TMEM63C: variants seen among roughly 807,000 people sequenced by gnomAD.
TMEM63C encodes the protein transmembrane protein 63C, also known as osmosensitive cation channel TMEM63C.
Under a neutral mutation model 99.2 loss-of-function variants are expected in TMEM63C, and 32 were observed. The observed-to-expected ratio is 0.32, with a 90% CI of 0.24 to 0.43. The LOEUF is 0.43. Among genes scored for constraint, TMEM63C ranks in the 20% least tolerant of loss-of-function variants. The pLI is 1.00. For synonymous variants in TMEM63C, 376 were observed against 397.9 expected, an observed-to-expected ratio of 0.94 and a Z score of 0.66; for missense variants, 826 against 1,053.0, an observed-to-expected ratio of 0.78 and a Z score of 2.98.
At chr14:77,237,022 C>T (rs752159374) in intron 9 of TMEM63C, among the ~76,000 whole-genome samples, 17 of 107,284 alleles carry the variant, frequency 1.6e-4, no homozygotes, top group African/African-American at 2.1e-4. Context: ...CACCCTCTCA[C>T]GCTCCTCCAC....
intron 1 of TMEM63C, among the ~76,000 whole-genome samples, chr14:77,196,801 A>G (rs55945908): frequency 0.02 from 2,975 of 152,332 alleles, 98 homozygotes; most frequent in African/African-American, 0.069. Context: ...TGAACATCTC[A>G]GAGGAATCAG....
intron 21 of TMEM63C, chr14:77,251,579 A>ATT: frequency 3.5e-6 from 2 of 576,710 alleles, no homozygotes; most frequent in Non-Finnish European, 3.1e-6. Flanking sequence ...CAATTAAAAC[A>ATT]TTTTTTCATG....
chr14:77,236,881 A>G, intron 9 of TMEM63C, 149 bp downstream of exon 9: 2 of 632,350 alleles, frequency 3.2e-6, no homozygotes, highest in South Asian at 1.8e-5. Flanking sequence ...GCAGGGGCCA[A>G]GCTTCCTCCC....
chr14:77,248,190 G>T (rs1889295743), intron 18 of TMEM63C, among the ~76,000 whole-genome samples, 157 bp from the exon 19 acceptor site: 2 of 152,150 alleles, frequency 1.3e-5, no homozygotes, highest in African/African-American at 2.4e-5. Context: ...GAGAGACAGA[G>T]AAAAAGAAAG....
In TMEM63C at chr14:77,244,495, C is replaced by T. The variant is rs200791610; in HGVS notation, c.1448+40C>T. On this transcript the variant is annotated intron_variant, in intron 16 of 23. Transcript: ENST00000298351. ...TCCTCTCGTAGCCCTGTGGTTTCTC[C>T]AGCCTCTTCCCCTGCCCTGGCTTCC... 2.1e-5 allele frequency: 32 copies of T among 1,525,194 alleles called. No homozygotes were observed. The Middle Eastern group carries it at 8.5e-4, about 40-fold the overall frequency. 94.5% of individuals were successfully genotyped at this position (1,525,194 alleles called of 1,614,324 possible).
chr14:77,240,577 G>T lies in TMEM63C; in HGVS notation c.1033G>T (p.Val345Phe). Residue 345 changes from valine (V) to phenylalanine (F), a missense_variant, in exon 13 of 24, where the codon GTC becomes TTC. Val to Phe is a conservative substitution (Grantham distance 50, BLOSUM62 -1). Transcript: ENST00000298351. ...VPLKRLDLIF[V>F]TFQDSRMAKR... ...GCTCAAGCGGCTGGACCTGATCTTT[G>T]TCACCTTCCAGGACTCCAGGATGGC... 1.2e-6 allele frequency: 2 copies of T among 1,611,128 alleles called. No individual in the cohort carries two copies. The highest frequency in any genetic ancestry group is 1.7e-6 in the Non-Finnish European group (2 of 1,179,854).
At chr14:77,192,961 A>G (rs775082677) in intron 1 of TMEM63C, among the ~76,000 whole-genome samples, 1 of 152,246 alleles carries the variant, frequency 6.6e-6, no homozygotes, top group Non-Finnish European at 1.5e-5. Context: ...ATGATTCTCA[A>G]ATGGGAAAGG....
rs114334159 is a variant in TMEM63C, at chr14:77,193,171, C to T, written c.-77+11277C>T. Among the ~76,000 whole-genome samples the T allele has an allele frequency of 4.6e-3, 702 of 152,326 alleles. 9 individuals are homozygous for T. The highest frequency in any genetic ancestry group is 0.016 in the African/African-American group (676 of 41,582). ...CATTCAGTCAATAAACATGAAAATA[C>T]GTCTGTCTTTTTTGACAACCGAATT... On this transcript the variant is annotated intron_variant, in intron 1 of 23. Coordinates refer to ENST00000298351, the MANE Select transcript of TMEM63C (RefSeq NM_020431.4).
chr14:77,252,496 G>A (rs1889385622), intron 22 of TMEM63C, among the ~76,000 whole-genome samples: 1 of 152,136 alleles, frequency 6.6e-6, no homozygotes. Context: ...TTCCCAGAAT[G>A]GATGTCTATC....
At chr14:77,212,913 C>A (rs1011162241) in intron 1 of TMEM63C, among the ~76,000 whole-genome samples, 1 of 152,232 alleles carries the variant, frequency 6.6e-6, no homozygotes, top group African/African-American at 2.4e-5. Flanking sequence ...GAAGGGCCAC[C>A]TGGTCCAAGC....
At chr14:77,244,588 ACCTG>A in intron 16 of TMEM63C, 133 bp downstream of exon 16, 1 of 692,474 alleles carries the variant, frequency 1.4e-6, no homozygotes, top group Non-Finnish European at 2.5e-6. Flanking sequence ...TGGTTTTGAT[ACCTG>A]AAACCATCCC....
chr14:77,258,344 C>T lies in TMEM63C; in HGVS notation c.*1618C>T, dbSNP rs1018859265. The T allele has an allele frequency of 6.6e-6, 1 of 152,648 alleles. No homozygotes were observed. Among genetic ancestry groups the T allele is most frequent in the African/African-American group, 2.4e-5 (1 of 41,484 alleles). The allele number at this position is 152,648 out of a possible 1,614,324, so 9.5% of individuals were successfully genotyped here. On this transcript the variant is annotated 3_prime_UTR_variant, in exon 24 of 24. Transcript: ENST00000298351. The stretch of plus-strand genomic sequence containing the variant: ...CACCTAGACCTTGTCCCTGCCCCAC[C>T]TTTGCCCCATCCTAGCCCCAGAAGC...
chr14:77,221,934 C>T (rs2140111920), intron 5 of TMEM63C, among the ~76,000 whole-genome samples: 1 of 150,524 alleles, frequency 6.6e-6, no homozygotes, highest in African/African-American at 2.5e-5. Context: ...CTGTCTGCTC[C>T]TCCTGTGTCT....
intron 2 of TMEM63C, among the ~76,000 whole-genome samples, chr14:77,218,397 C>A (rs756788924): frequency 1.5e-4 from 23 of 152,170 alleles, no homozygotes; most frequent in Non-Finnish European, 1.8e-4. Context: ...GTGAACACAG[C>A]GGTTTTGACT....
intron 5 of TMEM63C, among the ~76,000 whole-genome samples, chr14:77,220,698 C>T (rs983282009): frequency 6.6e-6 from 1 of 152,128 alleles, no homozygotes; most frequent in South Asian, 2.1e-4. Context: ...TGGTGGAGAA[C>T]GCCACAGGAG....
At chr14:77,241,668 G>T (rs1030098070) in intron 13 of TMEM63C, among the ~76,000 whole-genome samples, 3 of 152,158 alleles carry the variant, frequency 2.0e-5, no homozygotes, top group Admixed American at 6.5e-5. Context: ...GGCAAATTTG[G>T]TTACTGATAT....
In TMEM63C at chr14:77,249,330, A is replaced by G; in HGVS notation, c.1910A>G (p.Tyr637Cys). The G allele has an allele frequency of 2.5e-6, 4 of 1,614,032 alleles. No homozygotes were observed. The highest frequency in any genetic ancestry group is 2.2e-5 in the South Asian group (2 of 91,086). The change falls in exon 21 of 24, where the codon TAT (tyrosine) becomes TGT (cysteine). Residue 637 changes from tyrosine to cysteine, a missense_variant. By Grantham distance (194) the Tyr-to-Cys change is radical (BLOSUM62 -2). Coordinates refer to ENST00000298351, the MANE Select transcript of TMEM63C (RefSeq NM_020431.4). ...YLCMKHLTDR[Y>C]NMYYSFAPTK... is the part of the protein sequence containing the mutation. ...TGCATGAAGCACTTGACGGATCGCT[A>G]TAACATGTACTACTCCTTTGCACCC...
chr14:77,208,184 A>C (rs1419351561), intron 1 of TMEM63C, among the ~76,000 whole-genome samples: 2 of 152,230 alleles, frequency 1.3e-5, no homozygotes, highest in Admixed American at 1.3e-4. Flanking sequence ...AGCTTGATTC[A>C]TACAGGGAAT....
intron 1 of TMEM63C, among the ~76,000 whole-genome samples, chr14:77,192,615 A>T (rs1888129443): frequency 6.6e-6 from 1 of 152,152 alleles, no homozygotes; most frequent in Non-Finnish European, 1.5e-5. Context: ...GAAAGAAGAA[A>T]GCCAGGGGTG....
Sources: allele counts gnomAD v4.1 joint callset (sites outside exome capture counted in the v4.1 genomes callset), GRCh38; gene constraint gnomAD v4.1.1; transcripts MANE v1.5; gene names NCBI Gene and HGNC (gene_info 2026-07-23, HGNC 2026-07-21).